The following FADS2 variants were observed in gnomAD, a reference collection of about 807,000 sequenced individuals.
FADS2 encodes acyl-CoA 6-desaturase.
FADS2 carries 18 observed loss-of-function variants against 61.2 expected under a neutral mutation model. The observed-to-expected ratio is 0.29, with a 90% CI of 0.20 to 0.44. FADS2 has a LOEUF of 0.44. Among genes scored for constraint, FADS2 ranks in the 20% least tolerant of loss-of-function variants. The pLI, the probability that FADS2 is intolerant of heterozygous loss-of-function variation, is 1.00. For missense variants in FADS2, 322 were observed against 572.7 expected, an observed-to-expected ratio of 0.56 and a Z score of 4.47; for synonymous variants, 203 against 223.9, an observed-to-expected ratio of 0.91 and a Z score of 0.83.
chr11:61,860,252 GACA>G (rs2067401784), intron 7 of FADS2, among the ~76,000 whole-genome samples: 2 of 152,264 alleles, frequency 1.3e-5, no homozygotes, highest in Admixed American at 1.3e-4. Flanking sequence ...AACCGCCCAT[GACA>G]ACAAGCAGCC....
intron 1 of FADS2, among the ~76,000 whole-genome samples, chr11:61,822,337 G>C (rs1229964132): frequency 6.6e-6 from 1 of 152,220 alleles, no homozygotes; most frequent in Non-Finnish European, 1.5e-5. Context: ...CTGTTTTATA[G>C]ACAAGGTGAC....
upstream of FADS2, among the ~76,000 whole-genome samples, chr11:61,824,479 A>G (rs2067061195): frequency 1.1e-3 from 8 of 7,328 alleles, no homozygotes; most frequent in East Asian, 0.12. Flanking sequence ...AGAGAGAGAG[A>G]GAGAGAGAGA....
intron 10 of FADS2, 152 bp downstream of exon 10, chr11:61,863,938 G>T (rs180806549): frequency 6.3e-5 from 41 of 654,348 alleles, no homozygotes; most frequent in South Asian, 3.7e-5. Flanking sequence ...AGCCAGCCCC[G>T]CTGAGGTCAG....
At chr11:61,857,118 C>A (rs373471087) in intron 6 of FADS2, 47 bp downstream of exon 6, 27 of 1,499,802 alleles carry the variant, frequency 1.8e-5, no homozygotes, top group African/African-American at 9.6e-5. Flanking sequence ...TCCCCTCCCC[C>A]CAGAGTGGCG....
At chr11:61,850,096 A>G (rs2135969001) in intron 5 of FADS2, among the ~76,000 whole-genome samples, 1 of 152,212 alleles carries the variant, frequency 6.6e-6, no homozygotes, top group Admixed American at 6.5e-5. Context: ...ACCTCTGCGA[A>G]TGTGGATGCC....
chr11:61,863,187 G>A, intron 8 of FADS2, 95 bp from the exon 9 acceptor site: 1 of 1,428,990 alleles, frequency 7.0e-7, no homozygotes, highest in Non-Finnish European at 9.9e-7. Flanking sequence ...CTGGCCCCTT[G>A]GCAGGGGCTG....
chr11:61,838,005 T>A, intron 2 of FADS2, 117 bp downstream of exon 2: 1 of 731,222 alleles, frequency 1.4e-6, no homozygotes, highest in East Asian at 2.7e-5. Flanking sequence ...GGGGTGCTTT[T>A]GTCCTGGAGG....
chr11:61,843,450 G>A (rs1202549816), intron 4 of FADS2, among the ~76,000 whole-genome samples: 1 of 152,134 alleles, frequency 6.6e-6, no homozygotes, highest in Non-Finnish European at 1.5e-5. Context: ...AATGCAAGCT[G>A]AAAGGCCCAG....
chr11:61,822,701 A>G (rs1345799580), intron 1 of FADS2, among the ~76,000 whole-genome samples: 1 of 152,210 alleles, frequency 6.6e-6, no homozygotes, highest in African/African-American at 2.4e-5. Context: ...AGTACAAATG[A>G]TCTCTCTTTA....
intron 8 of FADS2, 89 bp from the exon 9 acceptor site, chr11:61,863,193 G>A (rs2067432425): frequency 1.4e-6 from 2 of 1,423,640 alleles, no homozygotes; most frequent in South Asian, 1.2e-5. Flanking sequence ...CCTTGGCAGG[G>A]GCTGTCCTGG....
intron 7 of FADS2, among the ~76,000 whole-genome samples, chr11:61,861,707 C>T (rs999882009): frequency 2.0e-5 from 3 of 152,222 alleles, no homozygotes; most frequent in Non-Finnish European, 4.4e-5. Context: ...CTCTCCTGAG[C>T]GCTCCCTTCC....
intron 4 of FADS2, 35 bp downstream of exon 4, chr11:61,840,760 G>A (rs1022076944): frequency 6.7e-7 from 1 of 1,499,270 alleles, no homozygotes; most frequent in Non-Finnish European, 9.3e-7. Context: ...CTGTCCTGTT[G>A]GACAGCAGTT....
chr11:61,841,321 A>G (rs1297947718), intron 4 of FADS2, among the ~76,000 whole-genome samples: 1 of 152,036 alleles, frequency 6.6e-6, no homozygotes, highest in Non-Finnish European at 1.5e-5. Flanking sequence ...AAGTGCTGGG[A>G]TTACAGGTGT....
rs745529191 is a variant in FADS2, at chr11:61,828,705, C to T, written c.207+108C>T. On this transcript the variant is annotated intron_variant, in intron 1 of 11. Coordinates refer to ENST00000278840, the MANE Select transcript of FADS2 (RefSeq NM_004265.4). The surrounding 1 kb of genome is among the most constrained non-coding windows in gnomAD (Gnocchi z 6.4). ...CTCCGGCGCTGAATGGAGCTTGGGA[C>T]GTCCTGTAGGGAAGGAAAGTGCATC... 103 of 953,790 alleles carry T rather than the reference C, an allele frequency of 1.1e-4. No homozygotes were observed. Among genetic ancestry groups the T allele is most frequent in the Non-Finnish European group, 1.5e-4 (95 of 630,674 alleles). 59.1% of individuals were successfully genotyped at this position (953,790 alleles called of 1,614,324 possible).
At chr11:61,840,054 G>A (rs2067205536) in intron 2 of FADS2, among the ~76,000 whole-genome samples, 2 of 152,214 alleles carry the variant, frequency 1.3e-5, no homozygotes, top group African/African-American at 2.4e-5. Flanking sequence ...TGTGAATAGA[G>A]CTATGAACAC....
chr11:61,848,318 T>C, intron 5 of FADS2, 34 bp downstream of exon 5: 1 of 1,610,476 alleles, frequency 6.2e-7, no homozygotes. Flanking sequence ...ACCTAGGAAG[T>C]GTTTGTCCTG....
intron 5 of FADS2, among the ~76,000 whole-genome samples, chr11:61,853,317 T>TTCCTTCCTTCCA (rs1375542064): frequency 7.5e-6 from 1 of 134,062 alleles, no homozygotes; most frequent in Non-Finnish European, 1.6e-5. Flanking sequence ...CCTTCCTTCC[T>TTCCTTCCTTCCA]TCCTTCCTTC....
At chr11:61,853,260 T>TCC (rs2067324285) in intron 5 of FADS2, among the ~76,000 whole-genome samples, 1 of 123,612 alleles carries the variant, frequency 8.1e-6, no homozygotes, top group Non-Finnish European at 1.6e-5. Flanking sequence ...TCTCTTTCTT[T>TCC]CTCTCCCTCC....
intron 1 of FADS2, among the ~76,000 whole-genome samples, chr11:61,834,061 C>T (rs911725735): frequency 6.6e-6 from 1 of 152,194 alleles, no homozygotes; most frequent in African/African-American, 2.4e-5. Context: ...TCTAACAGGG[C>T]AATGACCCAG....
Sources: allele counts gnomAD v4.1 joint callset (sites outside exome capture counted in the v4.1 genomes callset), GRCh38; gene constraint gnomAD v4.1.1; non-coding constraint Gnocchi (gnomAD v3.1); transcripts MANE v1.5; gene names NCBI Gene and HGNC (gene_info 2026-07-23, HGNC 2026-07-21).